TBC1D32: variants seen among roughly 807,000 people sequenced by gnomAD.
TBC1D32 encodes the protein TBC1 domain family member 32.
TBC1D32 carries 151 observed loss-of-function variants against 170.3 expected under a neutral mutation model. The ratio of observed to expected loss-of-function variants is 0.89; its 90% CI spans 0.78 to 1.01. The LOEUF is 1.01. Among genes scored for constraint, TBC1D32 ranks in the 50% least tolerant of loss-of-function variants. The pLI is 0.00. For synonymous variants in TBC1D32, 498 were observed against 488.0 expected, an observed-to-expected ratio of 1.02 and a Z score of -0.27; for missense variants, 1,464 against 1,457.1, an observed-to-expected ratio of 1.00 and a Z score of -0.08.
intron 15 of TBC1D32, among the ~76,000 whole-genome samples, chr6:121,271,665 T>C (rs1801450712): frequency 1.3e-5 from 2 of 152,118 alleles, no homozygotes; most frequent in Admixed American, 1.3e-4. Flanking sequence ...GAAGAATCAA[T>C]ATCATGAAAA....
At position 121,142,885 on chromosome 6, in the gene TBC1D32, G is replaced by A. The variant is rs183113642; in HGVS notation, c.2774-11133C>T. Among the ~76,000 whole-genome samples the A allele has an allele frequency of 1.5e-3, 222 of 152,206 alleles. 4 individuals carry two copies. Among genetic ancestry groups the A allele is most frequent in the Admixed American group, 0.013 (200 of 15,296 alleles). ...ACTACCTTCCTGTTCCATACAGAAGGGAATTATGAGGCAATCTCCAGTAGT... is the reference window on the plus strand; with the variant it reads ...ACTACCTTCCTGTTCCATACAGAAGAGAATTATGAGGCAATCTCCAGTAGT... On this transcript the variant is annotated intron_variant, in intron 24 of 31. Transcript: ENST00000398212.
chr6:121,286,762 G>T, intron 12 of TBC1D32, among the ~76,000 whole-genome samples: 1 of 152,136 alleles, frequency 6.6e-6, no homozygotes, highest in East Asian at 1.9e-4. Context: ...GAAAGGTCGG[G>T]TTACGCACAA....
chr6:121,187,434 T>C (rs571346835), intron 22 of TBC1D32, among the ~76,000 whole-genome samples: 2 of 152,112 alleles, frequency 1.3e-5, no homozygotes, highest in South Asian at 2.1e-4. Flanking sequence ...TGGAATGTTG[T>C]AATATGCAAA....
At chr6:121,334,237 C>G in intron 1 of TBC1D32, 39 bp downstream of exon 1, 3 of 1,573,136 alleles carry the variant, frequency 1.9e-6, no homozygotes, top group Non-Finnish European at 2.6e-6. Flanking sequence ...CTCTCTGGAT[C>G]GATGGTTTAT....
intron 23 of TBC1D32, 133 bp from the exon 24 acceptor site, chr6:121,160,236 CA>C: frequency 1.0e-5 from 6 of 576,668 alleles, no homozygotes; most frequent in Non-Finnish European, 1.9e-5. Flanking sequence ...CCCAGTTAAC[CA>C]AAAGCTATTT....
At chr6:121,266,121 T>A (rs1158453634) in intron 15 of TBC1D32, among the ~76,000 whole-genome samples, 3 of 152,128 alleles carry the variant, frequency 2.0e-5, no homozygotes, top group Non-Finnish European at 2.9e-5. Flanking sequence ...GAAACTATTA[T>A]CAGCATGAAC....
upstream of TBC1D32, chr6:121,334,576 C>T (rs1811650652): frequency 5.4e-6 from 5 of 922,686 alleles, no homozygotes; most frequent in African/African-American, 1.7e-5. Flanking sequence ...TGCCTGCGCC[C>T]TCAGCTGCCA....
At chr6:121,188,692 A>C (rs1036052483) in intron 22 of TBC1D32, among the ~76,000 whole-genome samples, 2 of 152,212 alleles carry the variant, frequency 1.3e-5, no homozygotes, top group Admixed American at 1.3e-4. Context: ...TTGGGAGTAC[A>C]GTAGAATGAG....
chr6:121,129,525 A>G (rs962150977), intron 25 of TBC1D32, among the ~76,000 whole-genome samples: 2 of 152,216 alleles, frequency 1.3e-5, no homozygotes, highest in Non-Finnish European at 2.9e-5. Context: ...ACTGATTTTG[A>G]TTAAAAATAA....
intron 22 of TBC1D32, among the ~76,000 whole-genome samples, chr6:121,203,364 C>T (rs1280184550): frequency 6.6e-6 from 1 of 151,052 alleles, no homozygotes; most frequent in Non-Finnish European, 1.5e-5. Context: ...CAAACTTTTC[C>T]TCAAAAAGTA....
chr6:121,112,989 G>C, intron 28 of TBC1D32, 73 bp downstream of exon 28: 2 of 1,070,306 alleles, frequency 1.9e-6, no homozygotes, highest in Non-Finnish European at 2.8e-6. Flanking sequence ...AATGTGTCAA[G>C]GTATATCATC....
At chr6:121,219,713 CTTA>C (rs1341769756) in intron 21 of TBC1D32, among the ~76,000 whole-genome samples, 6 of 152,208 alleles carry the variant, frequency 3.9e-5, no homozygotes, top group African/African-American at 1.2e-4. Context: ...TTGCATGTCA[CTTA>C]TTATACTTTG....
chr6:121,180,809 A>G (rs1456613176), intron 22 of TBC1D32, among the ~76,000 whole-genome samples: 5 of 152,172 alleles, frequency 3.3e-5, no homozygotes, highest in African/African-American at 4.8e-5. Context: ...GCTGAATGTG[A>G]GAAGATATTT....
In TBC1D32 at chr6:121,242,203, G is replaced by A; in HGVS notation, c.2155C>T (p.Gln719Ter). The change falls in exon 18 of 32, where the codon CAG becomes TAG. Residue 719 changes from glutamine to a stop codon, truncating the protein, a stop_gained and splice_region_variant. Coordinates refer to ENST00000398212, the MANE Select transcript of TBC1D32 (RefSeq NM_152730.6). LOFTEE classifies it high-confidence loss of function. ...FIFNRYAKKL[Q>*]VSRHKKFGYG... ...CTTTGGCAGATGGTAATTCATACCT[G>A]TAATTTTTTTGCATATCGATTGAAT... 1 of 1,610,476 alleles carries A rather than the reference G, an allele frequency of 6.2e-7. No homozygotes were observed. The highest frequency in any genetic ancestry group is 8.5e-7 in the Non-Finnish European group (1 of 1,178,786).
rs150710532 is a variant in TBC1D32, at chr6:121,131,751, G to T, written c.2775C>A (p.Asp925Glu). The T allele has an allele frequency of 1.9e-6, 3 of 1,580,562 alleles. No individual in the cohort carries two copies. Among genetic ancestry groups the T allele is most frequent in the Non-Finnish European group, 2.6e-6 (3 of 1,153,822 alleles). ...ATAATAAAAGCTTGTCAAGATCATT[G>T]TCTAATCAGAAAGATAACATACTAT... ...DITRNAGIKQ[D>E]NDLDKLLLCL... The change falls in exon 25 of 32, where the codon GAC becomes GAA. Residue 925 changes from aspartate to glutamate, a missense_variant and splice_region_variant. Physicochemically the swap from Asp to Glu is conservative, Grantham distance 45. Transcript: ENST00000398212.
At chr6:121,206,238 G>A (rs1346101432) in intron 21 of TBC1D32, among the ~76,000 whole-genome samples, 1 of 151,550 alleles carries the variant, frequency 6.6e-6, no homozygotes, top group African/African-American at 2.4e-5. Context: ...AAAAAGGAAG[G>A]CTTTCTTTCT....
intron 21 of TBC1D32, among the ~76,000 whole-genome samples, chr6:121,219,625 T>C (rs1794266027): frequency 6.6e-6 from 1 of 152,260 alleles, no homozygotes; most frequent in African/African-American, 2.4e-5. Flanking sequence ...GCCTACTTTC[T>C]CTAAGGTACT....
At chr6:121,109,277 G>C (rs1251523431) in intron 29 of TBC1D32, among the ~76,000 whole-genome samples, 2 of 152,116 alleles carry the variant, frequency 1.3e-5, no homozygotes, top group African/African-American at 2.4e-5. Flanking sequence ...GTAAGGGAAG[G>C]CTTCTGTAGT....
At chr6:121,232,450 T>C (rs1795861431) in intron 20 of TBC1D32, among the ~76,000 whole-genome samples, 1 of 152,154 alleles carries the variant, frequency 6.6e-6, no homozygotes, top group Non-Finnish European at 1.5e-5. Context: ...TTGTTCTAGT[T>C]GTGTGAAGTA....
Sources: allele counts gnomAD v4.1 joint callset (sites outside exome capture counted in the v4.1 genomes callset), GRCh38; gene constraint gnomAD v4.1.1; transcripts MANE v1.5; gene names NCBI Gene and HGNC (gene_info 2026-07-23, HGNC 2026-07-21).